PIK3AP1: variants seen among roughly 807,000 people sequenced by gnomAD.
PIK3AP1 encodes phosphoinositide 3-kinase adapter protein 1.
Under a neutral mutation model 88.1 loss-of-function variants are expected in PIK3AP1, and 21 were observed. The observed-to-expected ratio is 0.24, with a 90% confidence interval of 0.17 to 0.34. PIK3AP1 has a LOEUF of 0.34. Ranked by LOEUF, PIK3AP1 falls within the 10% of genes least tolerant of loss-of-function variation. The pLI is 1.00. For synonymous variants in PIK3AP1, 398 were observed against 400.0 expected (o/e 1.00, Z 0.06); for missense variants, 828 against 1,035.7 (o/e 0.80, Z 2.75).
chr10:96,701,461 G>A (rs780710509), intron 2 of PIK3AP1, among the ~76,000 whole-genome samples: 7 of 152,160 alleles, frequency 4.6e-5, no homozygotes, highest in Non-Finnish European at 8.8e-5. Context: ...AACCATCTGT[G>A]CACTTGGGGT....
rs545287568 is a variant in PIK3AP1 at position 96,678,783 on chromosome 10, T to C, written c.431-21849A>G. Reference sequence around the variant, plus strand: ...ACTTTTCCTTTTCATGATATTGTAGTCCTTTGTATGTAGTGTTTTGCCAAC... The same window carrying C: ...ACTTTTCCTTTTCATGATATTGTAGCCCTTTGTATGTAGTGTTTTGCCAAC... On this transcript the variant is annotated intron_variant, in intron 2 of 16. Coordinates refer to ENST00000339364, the MANE Select transcript of PIK3AP1 (RefSeq NM_152309.3). Among the ~76,000 whole-genome samples, 22 of 152,316 alleles carry C rather than the reference T, an allele frequency of 1.4e-4. No individual in the cohort carries two copies. The Middle Eastern group carries it at 0.01, about 71-fold the overall frequency.
At chr10:96,607,300 C>A (rs1192966228) in intron 14 of PIK3AP1, among the ~76,000 whole-genome samples, 1 of 152,194 alleles carries the variant, frequency 6.6e-6, no homozygotes, top group Admixed American at 6.5e-5. Context: ...TGCTTGCTTG[C>A]CAAGAGACTT....
At chr10:96,637,942 C>G (rs758709870) in intron 8 of PIK3AP1, among the ~76,000 whole-genome samples, 2 of 152,178 alleles carry the variant, frequency 1.3e-5, no homozygotes, top group African/African-American at 2.4e-5. Flanking sequence ...CTTGGGTTCT[C>G]AGGCTTTCGA....
chr10:96,628,362 G>T (rs1843181427), intron 9 of PIK3AP1, 36 bp downstream of exon 9: 1 of 1,495,768 alleles, frequency 6.7e-7, no homozygotes, highest in Non-Finnish European at 9.3e-7. Flanking sequence ...TTTCTCTTTT[G>T]CTCTTTTGGC....
rs375990528 is a variant in PIK3AP1 at position 96,696,418 on chromosome 10, T to C, written c.430+13149A>G. 8.5e-5 allele frequency among the ~76,000 whole-genome samples: 13 copies of C among 152,304 alleles called. No individual in the cohort carries two copies. The East Asian group carries it at 1.7e-3, about 20-fold the overall frequency. ...ATGAAGACCATATGACAAGCCCTATTGTGGTTTCAATAATTTCTCCAATGG... is the reference window on the plus strand; with the variant it reads ...ATGAAGACCATATGACAAGCCCTATCGTGGTTTCAATAATTTCTCCAATGG... On this transcript the variant is annotated intron_variant, in intron 2 of 16. Transcript: ENST00000339364.
At chr10:96,668,414 T>G (rs1843795168) in intron 2 of PIK3AP1, among the ~76,000 whole-genome samples, 1 of 152,224 alleles carries the variant, frequency 6.6e-6, no homozygotes, top group Admixed American at 6.5e-5. Flanking sequence ...ACTAATTATT[T>G]TTTAGTTTAA....
At chr10:96,622,026 G>A (rs1410445892) in intron 11 of PIK3AP1, among the ~76,000 whole-genome samples, 1 of 152,212 alleles carries the variant, frequency 6.6e-6, no homozygotes, top group African/African-American at 2.4e-5. Flanking sequence ...CACTGGAAGA[G>A]TTTAGCCAGG....
At chr10:96,651,702 A>G in intron 4 of PIK3AP1, 51 bp from the exon 5 acceptor site, 1 of 1,595,744 alleles carries the variant, frequency 6.3e-7, no homozygotes, top group Non-Finnish European at 8.6e-7. Context: ...ACAAGCATCC[A>G]GGGAAAAGTG....
At chr10:96,629,930 A>AAAAAAAAAAAAAAAAAAAAAAAGAAGAAG (rs776780994) in intron 8 of PIK3AP1, among the ~76,000 whole-genome samples, 1 of 13,724 alleles carries the variant, frequency 7.3e-5, no homozygotes, top group African/African-American at 1.8e-4. Context: ...AAAAAAAAAA[A>AAAAAAAAAAAAAAAAAAAAAAAGAAGAAG]AAGAAGAAGA....
At position 96,626,766 on chromosome 10, in the gene PIK3AP1, T is replaced by C. The variant is rs1261020047; in HGVS notation, c.1611A>G (p.Pro537=). Reference sequence around the variant, plus strand: ...GGTGAGCACCAGGAGCAGTGGTCTCTGGTCTGGGCACTGGGACAGGGGGCC... The same window carrying C: ...GGTGAGCACCAGGAGCAGTGGTCTCCGGTCTGGGCACTGGGACAGGGGGCC... The part of the protein sequence containing the change: ...ASRPPVPVPR[P]ETTAPGAHQL... Residue 537 remains proline, a synonymous_variant, in exon 10 of 17, where the codon CCA becomes CCG. Transcript: ENST00000339364. The C allele has an allele frequency of 2.5e-6, 4 of 1,614,236 alleles. No individual in the cohort carries two copies. Among genetic ancestry groups the C allele is most frequent in the Non-Finnish European group, 3.4e-6 (4 of 1,180,036 alleles).
chr10:96,652,500 G>A (rs1843552736), intron 4 of PIK3AP1, among the ~76,000 whole-genome samples, 198 bp downstream of exon 4: 1 of 152,100 alleles, frequency 6.6e-6, no homozygotes, highest in South Asian at 2.1e-4. Context: ...GTGAACCTGG[G>A]AGGTGGAGCT....
chr10:96,694,034 T>C (rs148751522), intron 2 of PIK3AP1, among the ~76,000 whole-genome samples: 1 of 152,296 alleles, frequency 6.6e-6, no homozygotes, highest in East Asian at 1.9e-4. Context: ...GGGCCTTTTC[T>C]TCTCTTTTTC....
intron 2 of PIK3AP1, among the ~76,000 whole-genome samples, chr10:96,692,373 G>A (rs1172474): frequency 0.58 from 87,699 of 151,950 alleles, 26,989 homozygotes; most frequent in African/African-American, 0.81. Flanking sequence ...CAGGAGATAG[G>A]GACCATCCTG....
chr10:96,688,803 AAAAGAAAG>A (rs536109642), intron 2 of PIK3AP1, among the ~76,000 whole-genome samples: 18 of 151,830 alleles, frequency 1.2e-4, no homozygotes, highest in Admixed American at 2.0e-4. Context: ...TGTCTCAAAA[AAAAGAAAG>A]AAAGAAAGAA....
At chr10:96,629,998 TAAGAA>T (rs940516262) in intron 8 of PIK3AP1, among the ~76,000 whole-genome samples, 1 of 138,954 alleles carries the variant, frequency 7.2e-6, no homozygotes, top group Non-Finnish European at 1.6e-5. Flanking sequence ...GAAGGAGATA[TAAGAA>T]ATTAATATCA....
intron 14 of PIK3AP1, among the ~76,000 whole-genome samples, chr10:96,608,191 C>T (rs1335713637): frequency 6.6e-6 from 1 of 152,182 alleles, no homozygotes; most frequent in Admixed American, 6.5e-5. Context: ...TGTTAAATTT[C>T]CAGCTGTCAC....
intron 7 of PIK3AP1, among the ~76,000 whole-genome samples, chr10:96,647,298 CA>C (rs1436287536): frequency 6.6e-6 from 1 of 152,212 alleles, no homozygotes; most frequent in African/African-American, 2.4e-5. Flanking sequence ...TGGCCCTAAG[CA>C]CAGTGACTTT....
At chr10:96,680,681 T>C (rs1192572711) in intron 2 of PIK3AP1, among the ~76,000 whole-genome samples, 2 of 152,238 alleles carry the variant, frequency 1.3e-5, no homozygotes, top group South Asian at 4.1e-4. Flanking sequence ...AGTGTATATG[T>C]ACCACATTTT....
chr10:96,632,905 T>A (rs761818883), intron 8 of PIK3AP1: 8 of 1,612,590 alleles, frequency 5.0e-6, no homozygotes, highest in Non-Finnish European at 6.8e-6. Context: ...CCCTGGGACA[T>A]GCTTGGCACC....
Sources: allele counts gnomAD v4.1 joint callset (sites outside exome capture counted in the v4.1 genomes callset), GRCh38; gene constraint gnomAD v4.1.1; transcripts MANE v1.5; gene names NCBI Gene and HGNC (gene_info 2026-07-23, HGNC 2026-07-21).